Variants in PGM2 observed in about 807,000 individuals in gnomAD.
PGM2 encodes phosphoglucomutase 2.
In PGM2, 57 loss-of-function variants were observed where a neutral mutation model predicts 74.6. The ratio of observed to expected loss-of-function variants is 0.76; its 90% CI spans 0.62 to 0.95. PGM2 has a LOEUF of 0.95. Among genes scored for constraint, PGM2 ranks in the 40% least tolerant of loss-of-function variants. The pLI is 0.00. For synonymous variants in PGM2, 273 were observed against 260.7 expected (o/e 1.05, Z -0.46); for missense variants, 706 against 741.9 (o/e 0.95, Z 0.56).
Position 37,847,247 on chromosome 4 carries a change from C to G in PGM2, c.1234C>G (p.Leu412Val). 6.2e-7 allele frequency: 1 copy of G among 1,613,902 alleles called. No homozygotes were observed. The highest frequency in any genetic ancestry group is 8.5e-7 in the Non-Finnish European group (1 of 1,179,808). Residue 412 changes from leucine (L) to valine (V), a missense_variant, in exon 10 of 14, where the codon CTA becomes GTA. Around this residue, in one of 3 missense-constraint regions of PGM2, gnomAD observed 359 missense variants for 371.1 expected, o/e 0.97. Coordinates refer to ENST00000381967, the MANE Select transcript of PGM2 (RefSeq NM_018290.4). ...FKWMGNRAKQ[L>V]IDQGKTVLFA... The stretch of plus-strand genomic sequence containing the variant: ...GTGGATGGGAAACAGAGCCAAACAG[C>G]TAATAGACCAGGGGAAAACTGTTTT...
At position 37,856,107 on chromosome 4, in the gene PGM2, C is replaced by T. The variant is rs184676493; in HGVS notation, c.1736+366C>T. On this transcript the variant is annotated intron_variant, in intron 13 of 13. Coordinates refer to ENST00000381967, the MANE Select transcript of PGM2 (RefSeq NM_018290.4). ...TGATAAAATAAATTATAATCCGGGC[C>T]GGGTGCGGTGGCTTACACCTGTAAT... Among the ~76,000 whole-genome samples, 196 of 152,184 alleles carry T rather than the reference C, an allele frequency of 1.3e-3. 1 individual carries two copies. The highest frequency in any genetic ancestry group is 4.6e-3 in the African/African-American group (189 of 41,532).
chr4:37,834,647 C>G lies in PGM2; in HGVS notation c.279C>G (p.Phe93Leu), dbSNP rs1577673255. Residue 93 changes from phenylalanine (F) to leucine (L), a missense_variant, in exon 3 of 14, where the codon TTC becomes TTG. Around this residue, in one of 3 missense-constraint regions of PGM2, gnomAD observed 332 missense variants for 334.9 expected, o/e 0.99. Coordinates refer to ENST00000381967, the MANE Select transcript of PGM2 (RefSeq NM_018290.4). ...TTTGCAGATACCTGGAAAAACAATT[C>G]AGTGACTTAAAGCAGAAAGGCATCG... ...QGFCRYLEKQ[F>L]SDLKQKGIVI... is the part of the protein sequence containing the mutation. 6.3e-7 allele frequency: 1 copy of G among 1,594,042 alleles called. No individual in the cohort carries two copies. The highest frequency in any genetic ancestry group is 1.3e-5 in the African/African-American group (1 of 74,190).
intron 6 of PGM2, among the ~76,000 whole-genome samples, chr4:37,841,062 A>T (rs970795669): frequency 2.4e-5 from 3 of 125,488 alleles, no homozygotes; most frequent in African/African-American, 5.9e-5. Context: ...TTTTCTGTGC[A>T]TATGCAAGCG....
chr4:37,844,523 C>A lies in PGM2; in HGVS notation c.879C>A (p.Tyr293Ter), dbSNP rs754178897. 2.5e-6 allele frequency: 4 copies of A among 1,612,736 alleles called. 1 individual carries two copies. The South Asian group carries it at 4.4e-5, about 18-fold the overall frequency. ...ATCCTGAGTTTCCAACAGTGAAATA[C>A]CCGAATCCCGAAGAGGGGAAAGGTG... is the stretch of plus-strand genomic sequence containing the variant. ...DPDPEFPTVK[Y>*]PNPEEGKGVL... The change falls in exon 7 of 14, where the codon TAC becomes TAA. Residue 293 changes from tyrosine to a stop codon, truncating the protein, a stop_gained. Transcript: ENST00000381967. LOFTEE classifies it high-confidence loss of function.
intron 11 of PGM2, 54 bp from the exon 12 acceptor site, chr4:37,850,130 C>T (rs959468077): frequency 5.9e-6 from 6 of 1,020,210 alleles, no homozygotes; most frequent in African/African-American, 3.3e-5. Context: ...GTTCTGTGTC[C>T]ACCCTACAAA....
intron 8 of PGM2, 107 bp from the exon 9 acceptor site, chr4:37,846,824 A>G (rs1156864024): frequency 3.5e-6 from 3 of 854,706 alleles, no homozygotes; most frequent in Non-Finnish European, 1.8e-6. Flanking sequence ...CCTTGCAGAA[A>G]ATACTTAGAT....
At chr4:37,840,389 A>G (rs1725676974) in intron 6 of PGM2, 130 bp downstream of exon 6, 1 of 610,366 alleles carries the variant, frequency 1.6e-6, no homozygotes, top group East Asian at 2.8e-5. Flanking sequence ...ATTTTATTTT[A>G]TTTACTTATT....
At chr4:37,841,090 A>ATG (rs1207204514) in intron 6 of PGM2, among the ~76,000 whole-genome samples, 9 of 118,936 alleles carry the variant, frequency 7.6e-5, no homozygotes, top group African/African-American at 3.2e-4. Context: ...ATATATATAT[A>ATG]TATATATATA....
At chr4:37,843,205 C>A (rs1162888417) in intron 6 of PGM2, among the ~76,000 whole-genome samples, 1 of 152,198 alleles carries the variant, frequency 6.6e-6, no homozygotes, top group Non-Finnish European at 1.5e-5. Context: ...ACTCTCTATT[C>A]TGTTCCTTTA....
In PGM2 at chr4:37,861,690, C is replaced by G. The variant is rs113714720; in HGVS notation, c.*78C>G. ...ACTTGTTAAGCAATATTTTTAAGGG[C>G]CAAATGATTCAAAACATCACAGGTA... On this transcript the variant is annotated 3_prime_UTR_variant, in exon 14 of 14. Transcript: ENST00000381967. 230 of 845,864 alleles carry G rather than the reference C, an allele frequency of 2.7e-4. 1 individual carries two copies. The African/African-American group carries it at 3.3e-3, about 12-fold the overall frequency. 52.4% of individuals were successfully genotyped at this position (845,864 alleles called of 1,614,324 possible). A position where few individuals can be genotyped will look rare whatever the true frequency, so the allele number is the denominator to read the frequency against.
At chr4:37,833,647 A>G (rs963920315) in intron 2 of PGM2, among the ~76,000 whole-genome samples, 4 of 152,204 alleles carry the variant, frequency 2.6e-5, no homozygotes, top group African/African-American at 9.6e-5. Flanking sequence ...TTTTTGCCCA[A>G]TCAACCAGAG....
chr4:37,858,919 C>T (rs1422687371), intron 13 of PGM2, among the ~76,000 whole-genome samples: 1 of 152,156 alleles, frequency 6.6e-6, no homozygotes, highest in Non-Finnish European at 1.5e-5. Context: ...ACACCCTTCA[C>T]TTAGACCAAA....
chr4:37,856,922 A>G (rs951484401), intron 13 of PGM2, among the ~76,000 whole-genome samples: 2 of 152,166 alleles, frequency 1.3e-5, no homozygotes, highest in African/African-American at 4.8e-5. Context: ...TATAAATATT[A>G]TTAATGAGAT....
At chr4:37,849,536 C>T (rs926481640) in intron 11 of PGM2, among the ~76,000 whole-genome samples, 28 of 150,320 alleles carry the variant, frequency 1.9e-4, no homozygotes, top group Non-Finnish European at 3.5e-4. Flanking sequence ...CTCAGCCTCC[C>T]GGGTAACTGG....
Position 37,845,720 on chromosome 4 carries a change from A to G in PGM2, c.997A>G (p.Lys333Glu), listed in dbSNP as rs766047659. The G allele has an allele frequency of 1.9e-6, 3 of 1,602,608 alleles. No homozygotes were observed. Among genetic ancestry groups the G allele is most frequent in the South Asian group, 1.1e-5 (1 of 90,872 alleles). Residue 333 changes from lysine (K) to glutamate (E), a missense_variant, in exon 8 of 14, where the codon AAG becomes GAG. Physicochemically the swap from Lys to Glu is moderately conservative, Grantham distance 56 (BLOSUM62 1). Around this residue, in one of 3 missense-constraint regions of PGM2, gnomAD observed 359 missense variants for 371.1 expected, o/e 0.97. Transcript: ENST00000381967. ...PDADRLAVAEKQDSGEWRVFS... is the reference protein window; with the variant it reads ...PDADRLAVAEEQDSGEWRVFS... ...TGCTGATAGACTTGCTGTGGCAGAA[A>G]AGCAAGACAGGTAAAATTAATTGTG...
chr4:37,826,753 C>T lies in PGM2; in HGVS notation c.21C>T (p.Ser7=), dbSNP rs1577669678. 3 of 1,549,548 alleles carry T rather than the reference C, an allele frequency of 1.9e-6. No homozygotes were observed. Among genetic ancestry groups the T allele is most frequent in the Non-Finnish European group, 2.6e-6 (3 of 1,146,154 alleles). MAAPEG[S]GLGEDARLDQ... is the part of the protein sequence containing the mutation. ...CAGCGATGGCGGCTCCAGAAGGCAG[C>T]GGTCTAGGCGAGGACGCCCGGCTGG... The change falls in exon 1 of 14, where the codon AGC becomes AGT. Residue 7 remains serine, a synonymous_variant. Coordinates refer to ENST00000381967, the MANE Select transcript of PGM2 (RefSeq NM_018290.4).
chr4:37,826,903 G>A (rs1424516145), intron 1 of PGM2, 90 bp downstream of exon 1: 9 of 780,064 alleles, frequency 1.2e-5, no homozygotes, highest in Non-Finnish European at 1.9e-5. Flanking sequence ...TGCCTGAGCT[G>A]CCTTCCCGCC....
Position 37,829,981 on chromosome 4 carries a change from G to C in PGM2, c.99G>C (p.Glu33Asp), listed in dbSNP as rs780972254. Reference sequence around the variant, plus strand: ...TTTTTCAGAATTCCTTAACTTTGGAGGCAGTGAAACGACTAATAGCAGAAG... The same window carrying C: ...TTTTTCAGAATTCCTTAACTTTGGACGCAGTGAAACGACTAATAGCAGAAG... ...LRWDKNSLTL[E>D]AVKRLIAEGN... Residue 33 changes from glutamate to aspartate, a missense_variant, in exon 2 of 14, where the codon GAG (glutamate) becomes GAC (aspartate). Around this residue, in one of 3 missense-constraint regions of PGM2, gnomAD observed 332 missense variants for 334.9 expected, o/e 0.99. Coordinates refer to ENST00000381967, the MANE Select transcript of PGM2 (RefSeq NM_018290.4). 2 of 1,599,720 alleles carry C rather than the reference G, an allele frequency of 1.3e-6. No individual in the cohort carries two copies. Among genetic ancestry groups the C allele is most frequent in the Non-Finnish European group, 1.7e-6 (2 of 1,174,670 alleles).
rs1560416597 is a variant in PGM2, at chr4:37,844,544, AGGTGTCTT to A, written c.904_909+2del. 1 of 1,605,092 alleles carries A rather than the reference AGGTGTCTT, an allele frequency of 6.2e-7. No individual in the cohort carries two copies. The highest frequency in any genetic ancestry group is 8.5e-7 in the Non-Finnish European group (1 of 1,174,948). ...AATACCCGAATCCCGAAGAGGGGAA[AGGTGTCTT>A]GGTAACCTAATTTTTTTTTAAATTA... On this transcript the variant is annotated frameshift_variant and splice_region_variant, in exon 7 of 14. Coordinates refer to ENST00000381967, the MANE Select transcript of PGM2 (RefSeq NM_018290.4). LOFTEE classifies it high-confidence loss of function.
Sources: allele counts gnomAD v4.1 joint callset (sites outside exome capture counted in the v4.1 genomes callset), GRCh38; gene constraint gnomAD v4.1.1; regional missense constraint gnomAD v4.1.1; transcripts MANE v1.5; gene names NCBI Gene and HGNC (gene_info 2026-07-23, HGNC 2026-07-21).